Variants in MAP3K7 observed in about 807,000 individuals in gnomAD.
MAP3K7 encodes the protein TGF-beta activated kinase 1.
A neutral mutation model predicts 84.8 loss-of-function variants in MAP3K7; 21 were observed. The observed-to-expected ratio is 0.25, with a 90% confidence interval of 0.18 to 0.36. The LOEUF is 0.36. Ranked by LOEUF, MAP3K7 falls within the 10% of genes least tolerant of loss-of-function variation. The pLI is 1.00. For missense variants in MAP3K7, 503 were observed against 747.7 expected (o/e 0.67, Z 3.82); for synonymous variants, 241 against 247.7 (o/e 0.97, Z 0.25).
At chr6:90,568,797 C>G (rs1776803318) in intron 2 of MAP3K7, among the ~76,000 whole-genome samples, 174 bp from the exon 3 acceptor site, 1 of 152,146 alleles carries the variant, frequency 6.6e-6, no homozygotes, top group Non-Finnish European at 1.5e-5. Flanking sequence ...AGTGACTGCC[C>G]AGAATGGCAC....
chr6:90,544,868 TAAAAAG>T (rs1453697586), intron 11 of MAP3K7, among the ~76,000 whole-genome samples: 4 of 150,516 alleles, frequency 2.7e-5, no homozygotes, highest in Non-Finnish European at 5.9e-5. Context: ...CAGAAAAAAA[TAAAAAG>T]AACAGAGACA....
chr6:90,530,031 T>C (rs1775457088), intron 13 of MAP3K7, among the ~76,000 whole-genome samples: 1 of 152,220 alleles, frequency 6.6e-6, no homozygotes, highest in Admixed American at 6.5e-5. Context: ...ACTTTTAGGA[T>C]ACTTTTACCC....
At chr6:90,527,529 C>A (rs181744723) in intron 13 of MAP3K7, among the ~76,000 whole-genome samples, 1 of 152,014 alleles carries the variant, frequency 6.6e-6, no homozygotes, top group Non-Finnish European at 1.5e-5. Context: ...AGCCTCCTAA[C>A]GTGCTGGGAT....
rs1774955864 is a variant in MAP3K7, at chr6:90,516,229, A to ATAC, written c.*269_*271dup. 2.1e-6 allele frequency: 1 copy of ATAC among 487,572 alleles called. No homozygotes were observed. The highest frequency in any genetic ancestry group is 2.0e-5 in the African/African-American group (1 of 50,546). 30.2% of individuals were successfully genotyped at this position (487,572 alleles called of 1,614,324 possible). A position where few individuals can be genotyped will look rare whatever the true frequency, so the allele number is the denominator to read the frequency against. On this transcript the variant is annotated 3_prime_UTR_variant, in exon 17 of 17. Transcript: ENST00000369329. ...TAGCCTTCACACAATGAGCATGCATATACAGCCACAGTTCACTGCATCTGT... is the reference window on the plus strand; with the variant it reads ...TAGCCTTCACACAATGAGCATGCATATACTACAGCCACAGTTCACTGCATCTGT...
intron 16 of MAP3K7, among the ~76,000 whole-genome samples, 179 bp from the exon 17 acceptor site, chr6:90,516,860 A>G (rs1774980223): frequency 6.6e-6 from 1 of 152,022 alleles, no homozygotes; most frequent in South Asian, 2.1e-4. Flanking sequence ...TAGTGTAATC[A>G]TACAAATAAC....
chr6:90,561,971 G>A (rs908985197), intron 3 of MAP3K7, among the ~76,000 whole-genome samples: 3 of 152,150 alleles, frequency 2.0e-5, no homozygotes, highest in African/African-American at 4.8e-5. Flanking sequence ...AAGAAGATGA[G>A]GTTATTGGAC....
intron 13 of MAP3K7, among the ~76,000 whole-genome samples, chr6:90,535,925 G>A (rs749797687): frequency 6.6e-6 from 1 of 152,158 alleles, no homozygotes; most frequent in Non-Finnish European, 1.5e-5. Context: ...AATGCCCTAC[G>A]TGGCGCTAGA....
intron 13 of MAP3K7, among the ~76,000 whole-genome samples, chr6:90,533,150 A>T (rs556469614): frequency 6.6e-6 from 1 of 152,340 alleles, no homozygotes; most frequent in African/African-American, 2.4e-5. Context: ...ATGTATACTA[A>T]GAGCCTATCT....
At chr6:90,566,263 G>T (rs157425) in intron 3 of MAP3K7, among the ~76,000 whole-genome samples, 52,106 of 151,954 alleles carry the variant, frequency 0.34, 9,114 homozygotes, top group South Asian at 0.42. Flanking sequence ...AGGAAAAGAG[G>T]AAGTCAAATT....
chr6:90,573,786 G>A (rs1776982476), intron 1 of MAP3K7, among the ~76,000 whole-genome samples: 1 of 152,232 alleles, frequency 6.6e-6, no homozygotes, highest in Admixed American at 6.5e-5. Context: ...GTGGCTTAAA[G>A]GAAATGGGGC....
intron 1 of MAP3K7, among the ~76,000 whole-genome samples, chr6:90,582,753 G>A (rs918401456): frequency 5.9e-5 from 9 of 152,052 alleles, no homozygotes; most frequent in Non-Finnish European, 1.3e-4. Context: ...TATGGCTTAA[G>A]TGTTTAATTT....
intron 9 of MAP3K7, 47 bp downstream of exon 9, chr6:90,550,421 A>G: frequency 8.3e-7 from 1 of 1,201,798 alleles, no homozygotes; most frequent in Non-Finnish European, 1.2e-6. Context: ...ATGGGAATAG[A>G]GATGAAAGAA....
In MAP3K7 at chr6:90,514,639, A is replaced by C. The variant is rs1181873367; in HGVS notation, c.*1862T>G. 1 of 152,036 alleles carries C rather than the reference A, an allele frequency of 6.6e-6. No homozygotes were observed. The highest frequency in any genetic ancestry group is 1.5e-5 in the Non-Finnish European group (1 of 67,970). The allele number at this position is 152,036 out of a possible 1,614,324, so 9.4% of individuals were successfully genotyped here. A position where few individuals can be genotyped will look rare whatever the true frequency, so the allele number is the denominator to read the frequency against. On this transcript the variant is annotated 3_prime_UTR_variant, in exon 17 of 17. Coordinates refer to ENST00000369329, the MANE Select transcript of MAP3K7 (RefSeq NM_145331.3). ...ATGCTAAATCCTAATGGAAACATCAAGCCTTAGCATTCACGCTTGGATATC... is the reference window on the plus strand; with the variant it reads ...ATGCTAAATCCTAATGGAAACATCACGCCTTAGCATTCACGCTTGGATATC...
At chr6:90,537,578 ACAT>A (rs796976769) in intron 12 of MAP3K7, among the ~76,000 whole-genome samples, 9 of 152,168 alleles carry the variant, frequency 5.9e-5, no homozygotes, top group African/African-American at 1.7e-4. Flanking sequence ...CAAATGTAAG[ACAT>A]CATCAGTTTT....
At chr6:90,547,200 C>T in intron 11 of MAP3K7, 58 bp downstream of exon 11, 1 of 1,586,672 alleles carries the variant, frequency 6.3e-7, no homozygotes, top group Non-Finnish European at 8.6e-7. Context: ...ACTGAAACTA[C>T]CATGGCCAAA....
chr6:90,567,783 A>G (rs1418260400), intron 3 of MAP3K7, among the ~76,000 whole-genome samples: 6 of 152,248 alleles, frequency 3.9e-5, no homozygotes, highest in Admixed American at 3.9e-4. Flanking sequence ...CTGTGGCACT[A>G]TTCACAATAG....
chr6:90,547,117 C>T lies in MAP3K7; in HGVS notation c.1210+141G>A, dbSNP rs35471467. On this transcript the variant is annotated intron_variant, in intron 11 of 16. Coordinates refer to ENST00000369329, the MANE Select transcript of MAP3K7 (RefSeq NM_145331.3). ...TAAATGCATAAACTATTGCTAGTAA[C>T]TTAGAAAAATATATTGTAAACCTAC... is the stretch of plus-strand genomic sequence containing the variant. 1,053 of 832,138 alleles carry T rather than the reference C, an allele frequency of 1.3e-3. 12 individuals are homozygous for T. The African/African-American group carries it at 0.017, about 13-fold the overall frequency. 51.5% of individuals were successfully genotyped at this position (832,138 alleles called of 1,614,324 possible).
intron 6 of MAP3K7, among the ~76,000 whole-genome samples, chr6:90,555,456 C>T (rs1375983717): frequency 3.9e-5 from 6 of 152,082 alleles, no homozygotes; most frequent in South Asian, 2.1e-4. Flanking sequence ...GGGGTTTCAC[C>T]GTGTTATACA....
At chr6:90,555,348 C>T (rs35457333) in intron 6 of MAP3K7, among the ~76,000 whole-genome samples, 25 of 152,142 alleles carry the variant, frequency 1.6e-4, no homozygotes, top group African/African-American at 6.0e-4. Context: ...CTCCGCCTCC[C>T]GGGTTCACAC....
Sources: allele counts gnomAD v4.1 joint callset (sites outside exome capture counted in the v4.1 genomes callset), GRCh38; gene constraint gnomAD v4.1.1; transcripts MANE v1.5; gene names NCBI Gene and HGNC (gene_info 2026-07-23, HGNC 2026-07-21).